Variants in FAM81B observed in about 807,000 individuals in gnomAD.
FAM81B encodes the protein family with sequence similarity 81 member B.
In FAM81B, 60 loss-of-function variants were observed where a neutral mutation model predicts 58.7. The observed-to-expected ratio is 1.02, with a 90% CI of 0.83 to 1.27. The LOEUF (loss-of-function observed/expected upper bound fraction) is 1.27. Ranked by LOEUF, FAM81B falls within the 50% of genes most tolerant of loss-of-function variation. The pLI, the probability that FAM81B is intolerant of heterozygous loss-of-function variation, is 0.00. For missense variants in FAM81B, 491 were observed against 522.0 expected (o/e 0.94, Z 0.58); for synonymous variants, 189 against 179.6 (o/e 1.05, Z -0.42).
At position 95,420,283 on chromosome 5, in the gene FAM81B, G is replaced by C; in HGVS notation, c.538-1G>C. The stretch of plus-strand genomic sequence containing the variant: ...ATGGGAAATTTGACTCAAAATTACA[G>C]ATTTTAGAAGACCAAATAAGAGCTC... On this transcript the variant is annotated splice_acceptor_variant, in intron 4 of 9. Coordinates refer to ENST00000283357, the MANE Select transcript of FAM81B (RefSeq NM_152548.3). LOFTEE classifies it high-confidence loss of function. 6.2e-7 allele frequency: 1 copy of C among 1,613,464 alleles called. No homozygotes were observed. The highest frequency in any genetic ancestry group is 1.3e-5 in the African/African-American group (1 of 75,028).
intron 3 of FAM81B, among the ~76,000 whole-genome samples, chr5:95,398,821 G>T (rs929472992): frequency 6.6e-6 from 1 of 152,208 alleles, no homozygotes; most frequent in African/African-American, 2.4e-5. Flanking sequence ...ACATCTAGGG[G>T]AAGAGCAAAG....
At chr5:95,408,928 A>C (rs1762336485) in intron 3 of FAM81B, among the ~76,000 whole-genome samples, 1 of 152,172 alleles carries the variant, frequency 6.6e-6, no homozygotes, top group Admixed American at 6.5e-5. Context: ...GTTATCCCAA[A>C]CAGTAGCCAC....
intron 3 of FAM81B, among the ~76,000 whole-genome samples, chr5:95,412,872 C>T (rs1762441024): frequency 6.6e-6 from 1 of 152,206 alleles, no homozygotes; most frequent in Admixed American, 6.5e-5. Context: ...TGTCATTCCT[C>T]AGCCAAAGTG....
chr5:95,400,433 T>TAC (rs71617108), intron 3 of FAM81B, among the ~76,000 whole-genome samples: 132 of 138,064 alleles, frequency 9.6e-4, no homozygotes, highest in South Asian at 2.2e-3. Flanking sequence ...CATACATACA[T>TAC]ACACACACAC....
intron 7 of FAM81B, among the ~76,000 whole-genome samples, chr5:95,441,494 G>A (rs1016493843): frequency 2.6e-5 from 4 of 151,972 alleles, no homozygotes; most frequent in South Asian, 2.1e-4. Flanking sequence ...GCTTGAACCC[G>A]GGAGGTGGAG....
At chr5:95,420,147 TGA>T in intron 4 of FAM81B, 135 bp from the exon 5 acceptor site, 6 of 1,003,090 alleles carry the variant, frequency 6.0e-6, no homozygotes, top group Non-Finnish European at 8.8e-6. Context: ...CACTTCTCTC[TGA>T]GATAGGACTC....
intron 3 of FAM81B, among the ~76,000 whole-genome samples, chr5:95,403,563 C>T (rs1762167901): frequency 6.6e-6 from 1 of 151,852 alleles, no homozygotes; most frequent in Non-Finnish European, 1.5e-5. Flanking sequence ...GCTCATATAA[C>T]AAAAAAAATC....
intron 3 of FAM81B, among the ~76,000 whole-genome samples, chr5:95,409,715 T>C (rs1031238880): frequency 1.3e-5 from 2 of 152,180 alleles, no homozygotes; most frequent in African/African-American, 4.8e-5. Flanking sequence ...ACACTGATCC[T>C]TGTGAGCAAC....
In FAM81B at chr5:95,400,560, C is replaced by T. The variant is rs1762086166; in HGVS notation, c.293+4385C>T. Reference sequence around the variant, plus strand: ...AATTATATCTGCAAGACCCAATTTCCAAATAAGGTCACATACTGAGGTATT... The same window carrying T: ...AATTATATCTGCAAGACCCAATTTCTAAATAAGGTCACATACTGAGGTATT... On this transcript the variant is annotated intron_variant, in intron 3 of 9. Transcript: ENST00000283357. 2.0e-5 allele frequency among the ~76,000 whole-genome samples: 3 copies of T among 152,154 alleles called. No homozygotes were observed. In the South Asian group the frequency reaches 6.2e-4, roughly 32 times the overall value.
intron 7 of FAM81B, among the ~76,000 whole-genome samples, chr5:95,441,547 G>A (rs978498525): frequency 4.0e-5 from 6 of 151,790 alleles, no homozygotes; most frequent in African/African-American, 1.5e-4. Flanking sequence ...CCAGCCTGGC[G>A]ACAGAGTGAG....
chr5:95,413,188 T>G (rs143615210), intron 3 of FAM81B, among the ~76,000 whole-genome samples: 140 of 152,304 alleles, frequency 9.2e-4, no homozygotes, highest in African/African-American at 3.2e-3. Context: ...TGTTTTTACT[T>G]TTTCTATGAT....
chr5:95,424,400 A>G (rs1366627520), intron 5 of FAM81B, among the ~76,000 whole-genome samples: 1 of 152,012 alleles, frequency 6.6e-6, no homozygotes, highest in Non-Finnish European at 1.5e-5. Context: ...AGTTCAAGCC[A>G]AAAGTTCTCC....
chr5:95,409,773 C>T (rs771494611), intron 3 of FAM81B, among the ~76,000 whole-genome samples: 22 of 152,160 alleles, frequency 1.4e-4, no homozygotes, highest in Non-Finnish European at 2.6e-4. Flanking sequence ...AAACTTTAGC[C>T]AGCTTCTGGC....
At chr5:95,446,944 T>C (rs1745593705) in intron 8 of FAM81B, among the ~76,000 whole-genome samples, 1 of 139,436 alleles carries the variant, frequency 7.2e-6, no homozygotes, top group Non-Finnish European at 1.5e-5. Flanking sequence ...GAAGAGGTTT[T>C]TTTTTTTAAA....
At chr5:95,398,320 G>A (rs1232924498) in intron 3 of FAM81B, among the ~76,000 whole-genome samples, 2 of 152,084 alleles carry the variant, frequency 1.3e-5, no homozygotes, top group Non-Finnish European at 2.9e-5. Context: ...TCGAGAGGCT[G>A]AGGCAGGAGA....
intron 7 of FAM81B, 76 bp from the exon 8 acceptor site, chr5:95,446,486 C>T: frequency 7.3e-7 from 1 of 1,367,644 alleles, no homozygotes; most frequent in Non-Finnish European, 9.8e-7. Flanking sequence ...CCTCAAAAAA[C>T]TGCAGACTTT....
chr5:95,422,144 AC>A (rs1762702728), intron 5 of FAM81B, among the ~76,000 whole-genome samples: 1 of 96,058 alleles, frequency 1.0e-5, no homozygotes, highest in Admixed American at 9.9e-5. Context: ...TTTGGGAAAG[AC>A]TTGAAAGACT....
Position 95,436,787 on chromosome 5 carries a change from G to A in FAM81B, c.787-13G>A, listed in dbSNP as rs186438914. 273 of 1,571,530 alleles carry A rather than the reference G, an allele frequency of 1.7e-4. No homozygotes were observed. Among genetic ancestry groups the A allele is most frequent in the African/African-American group, 2.7e-5 (2 of 74,092 alleles). Reference sequence around the variant, plus strand: ...TTTGTTCATATGCACAAACCCTCTCGTACTTTGACTAGGTGATGCAGCTCT... The same window carrying A: ...TTTGTTCATATGCACAAACCCTCTCATACTTTGACTAGGTGATGCAGCTCT... On this transcript the variant is annotated splice_polypyrimidine_tract_variant and intron_variant, in intron 6 of 9. Transcript: ENST00000283357.
chr5:95,441,235 C>T (rs1745331579), intron 7 of FAM81B, among the ~76,000 whole-genome samples: 1 of 152,100 alleles, frequency 6.6e-6, no homozygotes, highest in Non-Finnish European at 1.5e-5. Flanking sequence ...GAAACAGCAG[C>T]CGAGGAACCT....
Sources: allele counts gnomAD v4.1 joint callset (sites outside exome capture counted in the v4.1 genomes callset), GRCh38; gene constraint gnomAD v4.1.1; transcripts MANE v1.5; gene names NCBI Gene and HGNC (gene_info 2026-07-23, HGNC 2026-07-21).